RAD54L: variants seen among roughly 807,000 people sequenced by gnomAD.
The protein encoded by RAD54L is RAD54 like.
Under a neutral mutation model 91.6 loss-of-function variants are expected in RAD54L, and 74 were observed. That is an observed-to-expected ratio of 0.81 (90% confidence interval 0.67 to 0.98). RAD54L has a LOEUF of 0.98. RAD54L is among the 50% of genes least tolerant of loss of function. RAD54L has a pLI of 0.00. For missense variants in RAD54L, 887 were observed against 945.7 expected, an observed-to-expected ratio of 0.94 and a Z score of 0.81; for synonymous variants, 304 against 349.7, an observed-to-expected ratio of 0.87 and a Z score of 1.46.
chr1:46,269,920 T>C (rs930799606), intron 9 of RAD54L, among the ~76,000 whole-genome samples: 4 of 151,256 alleles, frequency 2.6e-5, no homozygotes, highest in African/African-American at 4.9e-5. Flanking sequence ...CTGGGCAACA[T>C]GGCAAAATCC....
intron 5 of RAD54L, 63 bp downstream of exon 5, chr1:46,260,162 G>A (rs1025523825): frequency 1.2e-6 from 2 of 1,603,400 alleles, no homozygotes; most frequent in African/African-American, 2.7e-5. Context: ...TACTTGGGAG[G>A]GCAGAGGGTA....
chr1:46,272,810 G>T lies in RAD54L; in HGVS notation c.1375+8G>T. On this transcript the variant is annotated splice_region_variant and intron_variant, in intron 12 of 17. Coordinates refer to ENST00000371975, the MANE Select transcript of RAD54L (RefSeq NM_003579.4). ...TAAAGAAGCTTTGTAATCGTGAGTTGGGCTTGTGTCCTGGTGTCCTCTGTG... is the reference window on the plus strand; with the variant it reads ...TAAAGAAGCTTTGTAATCGTGAGTTTGGCTTGTGTCCTGGTGTCCTCTGTG... 1 of 1,614,082 alleles carries T rather than the reference G, an allele frequency of 6.2e-7. No homozygotes were observed. The highest frequency in any genetic ancestry group is 8.5e-7 in the Non-Finnish European group (1 of 1,180,010).
At chr1:46,270,530 G>T in intron 9 of RAD54L, 129 bp from the exon 10 acceptor site, 1 of 1,200,754 alleles carries the variant, frequency 8.3e-7, no homozygotes, top group Non-Finnish European at 1.2e-6. Flanking sequence ...AACAGAAATT[G>T]GCCTATATTT....
rs1421524995 is a variant in RAD54L, at chr1:46,272,882, C to T, written c.1375+80C>T. On this transcript the variant is annotated intron_variant, in intron 12 of 17. Coordinates refer to ENST00000371975, the MANE Select transcript of RAD54L (RefSeq NM_003579.4). ...GTTCCTGTAGTGGCCTGGCAACCCT[C>T]ACTAAAACTCGTCCAGAGTCATCCT... The T allele has an allele frequency of 7.0e-6, 11 of 1,573,354 alleles. No individual in the cohort carries two copies. In the African/African-American group the frequency reaches 1.4e-4, roughly 19 times the overall value.
Position 46,272,096 on chromosome 1 carries a change from G to A in RAD54L, c.1170-370G>A, listed in dbSNP as rs148497845. ...TTGCTCTTGTTGCCCAAGCTGGAAT[G>A]CAATGGGGCGATCTCGGCTCACTGC... On this transcript the variant is annotated intron_variant, in intron 10 of 17. Coordinates refer to ENST00000371975, the MANE Select transcript of RAD54L (RefSeq NM_003579.4). Among the ~76,000 whole-genome samples, 247 of 126,120 alleles carry A rather than the reference G, an allele frequency of 2.0e-3. 1 individual carries two copies. Among genetic ancestry groups the A allele is most frequent in the Non-Finnish European group, 2.7e-3 (175 of 64,062 alleles). 82.7% of individuals were successfully genotyped at this position (126,120 alleles called of 152,430 possible). A position where few individuals can be genotyped will look rare whatever the true frequency, so the allele number is the denominator to read the frequency against.
At chr1:46,249,905 G>T in intron 2 of RAD54L, 95 bp from the exon 3 acceptor site, 2 of 1,383,422 alleles carry the variant, frequency 1.4e-6, no homozygotes, top group Non-Finnish European at 1.0e-6. Context: ...ATTTAGCACA[G>T]TGCCTGGCAC....
intron 16 of RAD54L, 162 bp from the exon 17 acceptor site, chr1:46,277,655 A>G: frequency 3.8e-6 from 3 of 797,788 alleles, no homozygotes; most frequent in Non-Finnish European, 6.1e-6. Flanking sequence ...GACTGGGAAA[A>G]TGGACCTCAG....
intron 10 of RAD54L, among the ~76,000 whole-genome samples, chr1:46,271,972 CTG>C (rs1003958942): frequency 7.1e-6 from 1 of 141,738 alleles, no homozygotes; most frequent in Non-Finnish European, 1.5e-5. Context: ...TGGAAGGTCT[CTG>C]TTCCCACAAT....
chr1:46,273,575 G>A (rs1373895544), intron 13 of RAD54L, 49 bp from the exon 14 acceptor site: 2 of 1,612,410 alleles, frequency 1.2e-6, no homozygotes, highest in Non-Finnish European at 1.7e-6. Flanking sequence ...TAAGAAGCCT[G>A]GGCCATTGGG....
chr1:46,270,609 A>G, intron 9 of RAD54L, 50 bp from the exon 10 acceptor site: 1 of 1,611,100 alleles, frequency 6.2e-7, no homozygotes, highest in Non-Finnish European at 8.5e-7. Context: ...AGCTGTGGGA[A>G]AATCATTCCT....
At position 46,275,095 on chromosome 1, in the gene RAD54L, G is replaced by A. The variant is rs79905450; in HGVS notation, c.1869+378G>A. The stretch of plus-strand genomic sequence containing the variant: ...TAGTTCCTTTCTTGCAGCTTATGTC[G>A]TTGGACTTGACTACACTCTTTTCTT... On this transcript the variant is annotated intron_variant, in intron 16 of 17. Coordinates refer to ENST00000371975, the MANE Select transcript of RAD54L (RefSeq NM_003579.4). Among the ~76,000 whole-genome samples, 87 of 152,234 alleles carry A rather than the reference G, an allele frequency of 5.7e-4. 1 individual carries two copies. The East Asian group carries it at 0.014, about 24-fold the overall frequency.
At chr1:46,257,694 CTCTCATGTCCCTT>C (rs1659981117) in intron 3 of RAD54L, among the ~76,000 whole-genome samples, 2 of 152,352 alleles carry the variant, frequency 1.3e-5, no homozygotes, top group Admixed American at 1.3e-4. Context: ...CTTAGCTTCT[CTCTCATGTCCCTT>C]TCTCATGTTC....
In RAD54L at chr1:46,255,277, AAGAGTGATCAGTCATAAC is replaced by A. The variant is rs1291639541; in HGVS notation, c.211-3400_211-3383del. Reference sequence around the variant, plus strand: ...AGTAGAGAGGGAGAGGTTGAGATACAAGAGTGATCAGTCATAACAGAGTGATTCTCTGCAGAAATGGGA... The same window carrying A: ...AGTAGAGAGGGAGAGGTTGAGATACAAGAGTGATTCTCTGCAGAAATGGGA... On this transcript the variant is annotated intron_variant, in intron 3 of 17. Transcript: ENST00000371975. Among the ~76,000 whole-genome samples, 7 of 152,296 alleles carry A rather than the reference AAGAGTGATCAGTCATAAC, an allele frequency of 4.6e-5. No individual in the cohort carries two copies. In the East Asian group the frequency reaches 1.3e-3, roughly 29 times the overall value.
Position 46,277,817 on chromosome 1 carries a change from G to A in RAD54L, c.1870G>A (p.Ala624Thr). ...ACATTCCCCACCTCCTCTTCCCCAGGCAGGGACCATTGAGGAGAAGATCTT... is the reference window on the plus strand; with the variant it reads ...ACATTCCCCACCTCCTCTTCCCCAGACAGGGACCATTGAGGAGAAGATCTT... Reference protein sequence around the residue: ...KTCYIYRLLSAGTIEEKIFQR... With the variant: ...KTCYIYRLLSTGTIEEKIFQR... Residue 624 changes from alanine (A) to threonine (T), a missense_variant and splice_region_variant, in exon 17 of 18, where the codon GCA becomes ACA. Physicochemically the swap from Ala to Thr is moderately conservative, Grantham distance 58 (BLOSUM62 0). Coordinates refer to ENST00000371975, the MANE Select transcript of RAD54L (RefSeq NM_003579.4). 1 of 1,605,146 alleles carries A rather than the reference G, an allele frequency of 6.2e-7. No individual in the cohort carries two copies. Among genetic ancestry groups the A allele is most frequent in the Non-Finnish European group, 8.5e-7 (1 of 1,172,174 alleles).
Position 46,260,718 on chromosome 1 carries a change from A to C in RAD54L, c.478-9A>C. ...GTGCCAAAGTGGACTGAAGGCTGTT[A>C]TTCTCTAGGGAGTGAAATTCCTGTG... On this transcript the variant is annotated splice_polypyrimidine_tract_variant and intron_variant, in intron 6 of 17. Coordinates refer to ENST00000371975, the MANE Select transcript of RAD54L (RefSeq NM_003579.4). The C allele has an allele frequency of 6.2e-7, 1 of 1,614,208 alleles. No homozygotes were observed.
Position 46,248,596 on chromosome 1 carries a change from G to A in RAD54L, c.88G>A (p.Val30Met), listed in dbSNP as rs1659715102. ...TGATGAAGACTGGCAACCTGGCCTA[G>A]TGGTGAGCACTCAAGGGGACAGGGA... ...CDDEDWQPGL[V>M]TPRKRKSSSE... is the part of the protein sequence containing the mutation. Residue 30 changes from valine to methionine, a missense_variant and splice_region_variant, in exon 2 of 18, where the codon GTG (valine) becomes ATG (methionine). Val to Met is a conservative substitution (Grantham distance 21). Transcript: ENST00000371975. The A allele has an allele frequency of 1.9e-6, 3 of 1,613,954 alleles. No homozygotes were observed. Among genetic ancestry groups the A allele is most frequent in the Non-Finnish European group, 2.5e-6 (3 of 1,179,974 alleles).
At chr1:46,253,005 A>G (rs1659842185) in intron 3 of RAD54L, among the ~76,000 whole-genome samples, 1 of 152,130 alleles carries the variant, frequency 6.6e-6, no homozygotes. Context: ...TGAGGAGGTC[A>G]AGGGTGCAGT....
intron 16 of RAD54L, among the ~76,000 whole-genome samples, chr1:46,276,073 C>T (rs1660591431): frequency 6.6e-6 from 1 of 152,172 alleles, no homozygotes; most frequent in Admixed American, 6.5e-5. Flanking sequence ...GATCTCTTAC[C>T]TGAGCTCTAA....
Position 46,260,837 on chromosome 1 carries a change from G to A in RAD54L, c.588G>A (p.Leu196=). The A allele has an allele frequency of 6.2e-7, 1 of 1,614,240 alleles. No individual in the cohort carries two copies. Among genetic ancestry groups the A allele is most frequent in the South Asian group, 1.1e-5 (1 of 91,088 alleles). The stretch of plus-strand genomic sequence containing the variant: ...GAAAGACGCTGCAGTGCATCACATT[G>A]ATGTGGACACTTTTACGCCAGAGTC... ...GLGKTLQCIT[L]MWTLLRQSPE... The change falls in exon 7 of 18, where the codon TTG becomes TTA. Residue 196 remains leucine (L), a synonymous_variant. Transcript: ENST00000371975.
Sources: gnomAD v4.1 joint callset for allele counts (sites outside exome capture counted in the v4.1 genomes callset) on GRCh38, gnomAD v4.1.1 for gene constraint, MANE v1.5 for transcripts, NCBI Gene and HGNC (gene_info 2026-07-23, HGNC 2026-07-21) for gene names.